The following CDHR3 variants were observed in gnomAD, a reference collection of about 807,000 sequenced individuals.
CDHR3 encodes cadherin-related family member 3.
Under a neutral mutation model 86.6 loss-of-function variants are expected in CDHR3, and 79 were observed. The observed-to-expected ratio is 0.91, with a 90% CI of 0.76 to 1.10. The LOEUF (loss-of-function observed/expected upper bound fraction) is 1.10. Ranked by LOEUF, CDHR3 falls within the 50% of genes least tolerant of loss-of-function variation. The pLI, the probability that CDHR3 is intolerant of heterozygous loss-of-function variation, is 0.00. For missense variants in CDHR3, 1,081 were observed against 1,077.6 expected, an observed-to-expected ratio of 1.00 and a Z score of -0.04; for synonymous variants, 421 against 402.4, an observed-to-expected ratio of 1.05 and a Z score of -0.55.
At chr7:106,025,261 A>G (rs1837187214) in intron 15 of CDHR3, among the ~76,000 whole-genome samples, 1 of 152,194 alleles carries the variant, frequency 6.6e-6, no homozygotes, top group Non-Finnish European at 1.5e-5. Context: ...TACAACTTAC[A>G]GCTTAGATGG....
intron 8 of CDHR3, among the ~76,000 whole-genome samples, chr7:106,011,808 G>A (rs774748074): frequency 9.2e-5 from 14 of 152,228 alleles, no homozygotes; most frequent in Admixed American, 8.5e-4. Context: ...GGAAGGCTCT[G>A]AGTTTGGGGG....
chr7:106,013,142 C>T (rs889322882), intron 9 of CDHR3, 111 bp downstream of exon 9: 25 of 926,632 alleles, frequency 2.7e-5, no homozygotes, highest in Admixed American at 1.3e-4. Context: ...CCTCTCAGAG[C>T]GACTGTAACT....
intron 8 of CDHR3, among the ~76,000 whole-genome samples, chr7:106,012,599 G>A (rs1190526078): frequency 6.6e-6 from 1 of 152,202 alleles, no homozygotes; most frequent in African/African-American, 2.4e-5. Flanking sequence ...TGAGTGAAAT[G>A]AGGAGCCATT....
intron 14 of CDHR3, among the ~76,000 whole-genome samples, chr7:106,023,415 G>A (rs561584029): frequency 2.2e-4 from 34 of 152,320 alleles, no homozygotes; most frequent in Admixed American, 3.3e-4. Flanking sequence ...AAATGACCAG[G>A]TGCTATCACA....
chr7:105,995,869 G>T (rs995704590), intron 5 of CDHR3, among the ~76,000 whole-genome samples: 1 of 152,132 alleles, frequency 6.6e-6, no homozygotes, highest in Non-Finnish European at 1.5e-5. Context: ...GAGGCTCCTG[G>T]CTCTGCGTCG....
chr7:105,984,393 AG>A, intron 4 of CDHR3, 104 bp downstream of exon 4: 1 of 718,278 alleles, frequency 1.4e-6, no homozygotes. Flanking sequence ...AGTGGCAGTC[AG>A]GGGAATGTGC....
In CDHR3 at chr7:105,984,173, A is replaced by C; in HGVS notation, c.416-19A>C. 6.7e-7 allele frequency: 1 copy of C among 1,486,258 alleles called. No individual in the cohort carries two copies. The highest frequency in any genetic ancestry group is 2.4e-5 in the East Asian group (1 of 42,208). 92.1% of individuals were successfully genotyped at this position (1,486,258 alleles called of 1,614,324 possible). A position where few individuals can be genotyped will look rare whatever the true frequency, so the allele number is the denominator to read the frequency against. The stretch of plus-strand genomic sequence containing the variant: ...GCTTTAATAAGATGTTTCTTATTCC[A>C]CTTTGGACACTGGTCTAGGTCTACA... On this transcript the variant is annotated intron_variant, in intron 3 of 18. Transcript: ENST00000317716.
intron 6 of CDHR3, among the ~76,000 whole-genome samples, chr7:105,998,123 G>T (rs1282715883): frequency 6.6e-6 from 1 of 152,180 alleles, no homozygotes; most frequent in Non-Finnish European, 1.5e-5. Context: ...GAAAGGATTT[G>T]CTTGGTTTCA....
intron 8 of CDHR3, 52 bp from the exon 9 acceptor site, chr7:106,012,808 A>G (rs1211159508): frequency 1.3e-6 from 2 of 1,535,496 alleles, no homozygotes; most frequent in Admixed American, 2.0e-5. Flanking sequence ...GTGAGAAGGA[A>G]CAGTCGATTA....
intron 6 of CDHR3, among the ~76,000 whole-genome samples, chr7:105,997,553 G>A (rs17288241): frequency 0.31 from 46,340 of 151,930 alleles, 7,307 homozygotes; most frequent in Admixed American, 0.38. Context: ...ATCCCAGCCC[G>A]GACTCAGGCT....
rs1838186728 is a variant in CDHR3, at chr7:106,030,640, C to G, written c.2305-152C>G. On this transcript the variant is annotated intron_variant, in intron 17 of 18. Transcript: ENST00000317716. The surrounding 1 kb of genome is among the most constrained non-coding windows in gnomAD (Gnocchi z 4.8). ...CAGTGACTATGCCTGCCTTGTTCAT[C>G]ACTGTGTCCCCTGCATCTATCACAG... 6.6e-6 allele frequency among the ~76,000 whole-genome samples: 1 copy of G among 152,204 alleles called. No homozygotes were observed. The highest frequency in any genetic ancestry group is 2.4e-5 in the African/African-American group (1 of 41,436).
At chr7:105,969,925 G>A (rs191277331) in intron 1 of CDHR3, among the ~76,000 whole-genome samples, 1 of 152,132 alleles carries the variant, frequency 6.6e-6, no homozygotes, top group Admixed American at 6.5e-5. Context: ...GAGAGACAGA[G>A]TTGACAGGAA....
Position 105,972,971 on chromosome 7 carries a change from C to A in CDHR3, c.47-1873C>A, listed in dbSNP as rs552554575. Among the ~76,000 whole-genome samples the A allele has an allele frequency of 2.0e-5, 3 of 152,340 alleles. No homozygotes were observed. The South Asian group carries it at 6.2e-4, about 32-fold the overall frequency. ...TTCCTCTTTTCCATTTACTCCTCTG[C>A]ACTCACCCCACCCCGCACCAACTGA... On this transcript the variant is annotated intron_variant, in intron 1 of 18. Transcript: ENST00000317716.
intron 1 of CDHR3, among the ~76,000 whole-genome samples, chr7:105,963,668 G>T (rs556178174): frequency 6.6e-6 from 1 of 152,326 alleles, no homozygotes; most frequent in South Asian, 2.1e-4. Flanking sequence ...GGAAAATAGT[G>T]TTCATAGCAG....
In CDHR3 at chr7:105,996,332, G is replaced by T; in HGVS notation, c.691G>T (p.Asp231Tyr). 1 of 1,594,498 alleles carries T rather than the reference G, an allele frequency of 6.3e-7. No individual in the cohort carries two copies. Among genetic ancestry groups the T allele is most frequent in the Non-Finnish European group, 8.6e-7 (1 of 1,164,844 alleles). The stretch of plus-strand genomic sequence containing the variant: ...CCAGGTGAACATCGTGAACCTCAAC[G>T]ACGAAGTCCCTCGCTTTACCAGGTA... ...ELQVNIVNLN[D>Y]EVPRFTSPTR... Residue 231 changes from aspartate to tyrosine, a missense_variant, in exon 6 of 19, where the codon GAC becomes TAC. Coordinates refer to ENST00000317716, the MANE Select transcript of CDHR3 (RefSeq NM_152750.5).
intron 8 of CDHR3, among the ~76,000 whole-genome samples, chr7:106,007,118 T>G (rs1834043399): frequency 6.6e-6 from 1 of 152,176 alleles, no homozygotes; most frequent in Non-Finnish European, 1.5e-5. Context: ...CCCCTTTTAA[T>G]CAAAGCTAGA....
chr7:106,025,876 A>T (rs412125), intron 15 of CDHR3, among the ~76,000 whole-genome samples: 95,782 of 151,288 alleles, frequency 0.63, 31,865 homozygotes, highest in African/African-American at 0.85. Context: ...TGATTTTTTT[A>T]AAAAAAAACA....
At chr7:106,003,793 G>A (rs924470480) in intron 7 of CDHR3, among the ~76,000 whole-genome samples, 3 of 152,030 alleles carry the variant, frequency 2.0e-5, no homozygotes, top group Admixed American at 2.0e-4. Context: ...GGCAATAATT[G>A]TGCACTGCCT....
At position 106,015,033 on chromosome 7, in the gene CDHR3, GTA is replaced by G. The variant is rs1835370534; in HGVS notation, c.1225-74_1225-73del. ...TTGCCAATTTATATATCCACTAGCA[GTA>G]TATGAAAATGTCTCTCGCAGCCCAA... On this transcript the variant is annotated intron_variant, in intron 9 of 18. Coordinates refer to ENST00000317716, the MANE Select transcript of CDHR3 (RefSeq NM_152750.5). 4.3e-6 allele frequency: 5 copies of G among 1,156,468 alleles called. No homozygotes were observed. The South Asian group carries it at 7.1e-5, about 16-fold the overall frequency. The allele number at this position is 1,156,468 out of a possible 1,614,324, so 71.6% of individuals were successfully genotyped here. A position where few individuals can be genotyped will look rare whatever the true frequency, so the allele number is the denominator to read the frequency against.
Sources: allele counts gnomAD v4.1 joint callset (sites outside exome capture counted in the v4.1 genomes callset), GRCh38; gene constraint gnomAD v4.1.1; non-coding constraint Gnocchi (gnomAD v3.1); transcripts MANE v1.5; gene names NCBI Gene and HGNC (gene_info 2026-07-23, HGNC 2026-07-21).